PCNX1: variants seen among roughly 807,000 people sequenced by gnomAD.
PCNX1 encodes pecanex 1, also known as pecanex-like protein 1.
Under a neutral mutation model 242.2 loss-of-function variants are expected in PCNX1, and 78 were observed. The observed-to-expected ratio is 0.32, with a 90% CI of 0.27 to 0.39. The LOEUF (loss-of-function observed/expected upper bound fraction) is 0.39. PCNX1 is among the 10% of genes least tolerant of loss of function. PCNX1 has a pLI of 1.00. For missense variants in PCNX1, 2,581 were observed against 2,856.5 expected, an observed-to-expected ratio of 0.90 and a Z score of 2.20; for synonymous variants, 1,024 against 1,032.9, an observed-to-expected ratio of 0.99 and a Z score of 0.17.
intron 2 of PCNX1, among the ~76,000 whole-genome samples, chr14:70,961,242 G>A (rs2428742): frequency 0.89 from 135,839 of 152,114 alleles, 60,805 homozygotes; most frequent in South Asian, 0.95. Context: ...AGCTGGAGGC[G>A]TCACGCTACC....
chr14:70,995,312 T>C (rs2059315544), intron 7 of PCNX1, among the ~76,000 whole-genome samples: 1 of 152,222 alleles, frequency 6.6e-6, no homozygotes, highest in South Asian at 2.1e-4. Flanking sequence ...CTCAGAATAT[T>C]TGAAAGAACA....
At position 70,978,431 on chromosome 14, in the gene PCNX1, A is replaced by C; in HGVS notation, c.2094A>C (p.Val698=). 6.2e-7 allele frequency: 1 copy of C among 1,614,218 alleles called. No homozygotes were observed. Among genetic ancestry groups the C allele is most frequent in the Non-Finnish European group, 8.5e-7 (1 of 1,180,020 alleles). ...TGTTGAGCCTGGACAGTGGCACAGT[A>C]GCATGTTTGAATGACTCAAACAGGT... The part of the protein sequence containing the change: ...ARVLSLDSGT[V]ACLNDSNRLM... The change falls in exon 6 of 36, where the codon GTA becomes GTC. Residue 698 remains valine, a synonymous_variant. Transcript: ENST00000304743.
At chr14:71,013,983 T>C in intron 11 of PCNX1, among the ~76,000 whole-genome samples, 1 of 152,218 alleles carries the variant, frequency 6.6e-6, no homozygotes, top group Non-Finnish European at 1.5e-5. Context: ...TCACCTTGAC[T>C]GTTTGGCAGA....
intron 1 of PCNX1, among the ~76,000 whole-genome samples, chr14:70,945,891 C>T (rs564322361): frequency 1.7e-3 from 257 of 152,296 alleles, no homozygotes; most frequent in Non-Finnish European, 2.6e-3. Flanking sequence ...GAGATTGAAT[C>T]TTGTGAAAAC....
chr14:71,072,254 A>T (rs1232660733), intron 26 of PCNX1, among the ~76,000 whole-genome samples: 1 of 152,196 alleles, frequency 6.6e-6, no homozygotes, highest in Non-Finnish European at 1.5e-5. Context: ...CAGTAAAGCA[A>T]AGTACAATAA....
At position 71,105,456 on chromosome 14, in the gene PCNX1, G is replaced by A. The variant is rs2062586895; in HGVS notation, c.6301+16G>A. The A allele has an allele frequency of 6.3e-7, 1 of 1,589,940 alleles. No individual in the cohort carries two copies. The highest frequency in any genetic ancestry group is 1.3e-5 in the African/African-American group (1 of 74,390). ...CCAACACTAGGTAATGTGAAACAAAGTTATATGTCTAATGTTAGCTTCTTA... is the reference window on the plus strand; with the variant it reads ...CCAACACTAGGTAATGTGAAACAAAATTATATGTCTAATGTTAGCTTCTTA... On this transcript the variant is annotated intron_variant, in intron 33 of 35. Transcript: ENST00000304743.
chr14:71,102,324 A>G, intron 31 of PCNX1, 104 bp downstream of exon 31: 1 of 716,264 alleles, frequency 1.4e-6, no homozygotes, highest in Non-Finnish European at 2.4e-6. Flanking sequence ...CCCAGGCTGG[A>G]ATACAGTGGC....
At position 70,961,551 on chromosome 14, in the gene PCNX1, G is replaced by T. The variant is rs959227164; in HGVS notation, c.363-675G>T. On this transcript the variant is annotated intron_variant, in intron 2 of 35. Coordinates refer to ENST00000304743, the MANE Select transcript of PCNX1 (RefSeq NM_014982.3). ...TAAGTACTGTGTTTGGGCTTCTCCA[G>T]TGCTTTGAACCTAGTACTTTTCTCT... 3.3e-5 allele frequency among the ~76,000 whole-genome samples: 5 copies of T among 152,314 alleles called. 1 individual carries two copies. The highest frequency in any genetic ancestry group is 1.3e-4 in the Admixed American group (2 of 15,294).
At chr14:70,948,632 T>C (rs928931412) in intron 2 of PCNX1, among the ~76,000 whole-genome samples, 1 of 150,468 alleles carries the variant, frequency 6.6e-6, no homozygotes, top group Non-Finnish European at 1.5e-5. Context: ...TACACATATA[T>C]AGTTGTGTAT....
intron 2 of PCNX1, among the ~76,000 whole-genome samples, chr14:70,961,461 A>T (rs1222877876): frequency 6.6e-6 from 1 of 152,252 alleles, no homozygotes; most frequent in East Asian, 1.9e-4. Context: ...CTGGCTAGCC[A>T]TATGTAGAAA....
chr14:71,015,472 A>G (rs796134816), intron 11 of PCNX1, among the ~76,000 whole-genome samples: 18 of 152,288 alleles, frequency 1.2e-4, no homozygotes, highest in African/African-American at 4.3e-4. Flanking sequence ...ATGTAAAGTG[A>G]TATATCATCA....
At position 71,036,183 on chromosome 14, in the gene PCNX1, T is replaced by G. The variant is rs778362787; in HGVS notation, c.3867+26T>G. The G allele has an allele frequency of 3.6e-6, 5 of 1,381,142 alleles. No homozygotes were observed. The South Asian group carries it at 5.8e-5, about 16-fold the overall frequency. 85.6% of individuals were successfully genotyped at this position (1,381,142 alleles called of 1,614,324 possible). A position where few individuals can be genotyped will look rare whatever the true frequency, so the allele number is the denominator to read the frequency against. On this transcript the variant is annotated intron_variant, in intron 19 of 35. Coordinates refer to ENST00000304743, the MANE Select transcript of PCNX1 (RefSeq NM_014982.3). ...GTAAGGAATCATTTTCTCCTTTTATTTGTTTGTTTGTTTGAGACAGGGTCT... is the reference window on the plus strand; with the variant it reads ...GTAAGGAATCATTTTCTCCTTTTATGTGTTTGTTTGTTTGAGACAGGGTCT...
chr14:71,057,859 G>T, intron 26 of PCNX1, 135 bp downstream of exon 26: 1 of 675,522 alleles, frequency 1.5e-6, no homozygotes, highest in Non-Finnish European at 2.6e-6. Context: ...TTGTTAAAGA[G>T]TAAGTATTAG....
intron 1 of PCNX1, among the ~76,000 whole-genome samples, chr14:70,946,594 ATAATC>A (rs2140300603): frequency 1.3e-5 from 2 of 152,374 alleles, no homozygotes; most frequent in South Asian, 4.1e-4. Context: ...TTTGACCAGT[ATAATC>A]TAAGTATTAT....
intron 1 of PCNX1, among the ~76,000 whole-genome samples, chr14:70,910,037 T>C (rs1594861569): frequency 3.3e-5 from 2 of 61,152 alleles, no homozygotes; most frequent in East Asian, 4.9e-4. Flanking sequence ...TCCTCCCTCC[T>C]CCTCCTCCTC....
chr14:71,087,400 T>C (rs990047079), intron 28 of PCNX1, among the ~76,000 whole-genome samples: 3 of 152,228 alleles, frequency 2.0e-5, no homozygotes, highest in Non-Finnish European at 2.9e-5. Context: ...AATAGTAAGT[T>C]AATATCTTAG....
At chr14:70,997,000 T>A (rs1353271379) in intron 8 of PCNX1, among the ~76,000 whole-genome samples, 2 of 152,150 alleles carry the variant, frequency 1.3e-5, no homozygotes, top group Non-Finnish European at 2.9e-5. Context: ...ATCTAAGATA[T>A]TTATAACATT....
At chr14:70,915,982 G>A (rs544993924) in intron 1 of PCNX1, among the ~76,000 whole-genome samples, 61 of 152,200 alleles carry the variant, frequency 4.0e-4, no homozygotes, top group South Asian at 2.1e-3. Flanking sequence ...TGGAGGAAGG[G>A]ATAAACAGTT....
At chr14:70,932,869 C>G (rs1452357010) in intron 1 of PCNX1, among the ~76,000 whole-genome samples, 1 of 152,124 alleles carries the variant, frequency 6.6e-6, no homozygotes, top group Admixed American at 6.5e-5. Context: ...GCCTCGGCCT[C>G]CCAAAGTGCT....
Sources: allele counts gnomAD v4.1 joint callset (sites outside exome capture counted in the v4.1 genomes callset), GRCh38; gene constraint gnomAD v4.1.1; transcripts MANE v1.5; gene names NCBI Gene and HGNC (gene_info 2026-07-23, HGNC 2026-07-21).